SKAP2: variants seen among roughly 807,000 people sequenced by gnomAD.
The protein encoded by SKAP2 is src kinase-associated phosphoprotein 2.
SKAP2 carries 28 observed loss-of-function variants against 54.9 expected under a neutral mutation model. The observed-to-expected ratio is 0.51, with a 90% CI of 0.38 to 0.70. The LOEUF is 0.70. Ranked by LOEUF, SKAP2 falls within the 30% of genes least tolerant of loss-of-function variation. SKAP2 has a pLI of 0.00. For synonymous variants in SKAP2, 137 were observed against 134.3 expected (o/e 1.02, Z -0.14); for missense variants, 356 against 424.1 (o/e 0.84, Z 1.41).
At chr7:26,758,877 C>T (rs1189346617) in intron 4 of SKAP2, among the ~76,000 whole-genome samples, 1 of 152,196 alleles carries the variant, frequency 6.6e-6, no homozygotes, top group African/African-American at 2.4e-5. Context: ...TAGCCAAAGG[C>T]TTCAAAACAA....
intron 4 of SKAP2, among the ~76,000 whole-genome samples, chr7:26,824,758 C>T (rs764530248): frequency 2.6e-5 from 4 of 152,128 alleles, no homozygotes; most frequent in African/African-American, 4.8e-5. Context: ...TAAACAAATA[C>T]GTATGGCTGT....
chr7:26,657,821 G>T, the SKAP2 span, among the ~76,000 whole-genome samples: 1 of 148,532 alleles, frequency 6.7e-6, no homozygotes, highest in Non-Finnish European at 1.5e-5. Flanking sequence ...TGCAAGGAGA[G>T]TTTTTCCTGA....
chr7:26,838,901 A>G (rs1029228556), intron 4 of SKAP2, among the ~76,000 whole-genome samples: 1 of 152,202 alleles, frequency 6.6e-6, no homozygotes, highest in Non-Finnish European at 1.5e-5. Context: ...CATCTAGATT[A>G]CATTTTTCTT....
intron 4 of SKAP2, among the ~76,000 whole-genome samples, chr7:26,832,425 G>T (rs1374210601): frequency 1.3e-5 from 2 of 152,120 alleles, no homozygotes; most frequent in Non-Finnish European, 2.9e-5. Context: ...TTATGAAAAA[G>T]TTTTAGGATA....
At chr7:26,857,310 T>TAAAAAA (rs59046895) in intron 1 of SKAP2, 6,721 of 91,042 alleles carry the variant, frequency 0.074, 522 homozygotes, top group Non-Finnish European at 0.083. Flanking sequence ...CTGCTTTGCT[T>TAAAAAA]AAAAAAAAAA....
intron 4 of SKAP2, among the ~76,000 whole-genome samples, chr7:26,753,449 C>G (rs1782726942): frequency 6.6e-6 from 1 of 152,064 alleles, no homozygotes; most frequent in African/African-American, 2.4e-5. Flanking sequence ...AGCTAACGTT[C>G]ACTGCAAAAT....
intron 4 of SKAP2, among the ~76,000 whole-genome samples, chr7:26,836,903 C>T (rs898332334): frequency 6.6e-6 from 1 of 152,182 alleles, no homozygotes; most frequent in Non-Finnish European, 1.5e-5. Flanking sequence ...TTTATCACAG[C>T]ACTGTTCACA....
intron 9 of SKAP2, among the ~76,000 whole-genome samples, chr7:26,724,418 T>C (rs927674442): frequency 4.6e-5 from 7 of 152,156 alleles, no homozygotes; most frequent in African/African-American, 1.7e-4. Flanking sequence ...TAGTCAATGG[T>C]ACAGCCAGAA....
chr7:26,771,293 A>T (rs1202832791), intron 4 of SKAP2, among the ~76,000 whole-genome samples: 1 of 152,226 alleles, frequency 6.6e-6, no homozygotes, highest in Non-Finnish European at 1.5e-5. Context: ...CCTGGTTTCT[A>T]AAACTTTTCT....
chr7:26,825,060 T>C (rs1784460391), intron 4 of SKAP2, among the ~76,000 whole-genome samples: 2 of 152,216 alleles, frequency 1.3e-5, no homozygotes. Flanking sequence ...CTAAGAACTG[T>C]ATTTCTCTTG....
intron 9 of SKAP2, among the ~76,000 whole-genome samples, chr7:26,721,453 C>T (rs1235861796): frequency 6.6e-6 from 1 of 151,922 alleles, no homozygotes; most frequent in Non-Finnish European, 1.5e-5. Flanking sequence ...GATAGTTGGA[C>T]TGAATACATT....
At chr7:26,774,499 TTGTGTG>T (rs10551497) in intron 4 of SKAP2, among the ~76,000 whole-genome samples, 10 of 149,146 alleles carry the variant, frequency 6.7e-5, no homozygotes, top group Non-Finnish European at 1.3e-4. Context: ...CAAGATCAAG[TTGTGTG>T]TGTGTGTGTG....
rs565264238 is a variant in SKAP2 at position 26,810,941 on chromosome 7, A to G, written c.307+33089T>C. 6.1e-4 allele frequency among the ~76,000 whole-genome samples: 93 copies of G among 152,290 alleles called. 1 individual carries two copies. Among genetic ancestry groups the G allele is most frequent in the African/African-American group, 2.1e-3 (88 of 41,568 alleles). ...ATGATCCGCGCACCTCGGCCTCCCA[A>G]AGTGCTGGGAATACAGGCATGAGCC... On this transcript the variant is annotated intron_variant, in intron 4 of 12. Transcript: ENST00000345317.
intron 1 of SKAP2, among the ~76,000 whole-genome samples, chr7:26,863,227 TAGG>T (rs1378376802): frequency 6.6e-6 from 1 of 152,142 alleles, no homozygotes; most frequent in African/African-American, 2.4e-5. Context: ...GACAGAATAT[TAGG>T]AGATTTGGAC....
intron 11 of SKAP2, among the ~76,000 whole-genome samples, chr7:26,675,919 A>G (rs1786340745): frequency 6.6e-6 from 1 of 152,228 alleles, no homozygotes; most frequent in African/African-American, 2.4e-5. Context: ...ACAGGGACCA[A>G]CTAATTCCAG....
In SKAP2 at chr7:26,862,626, T is replaced by G. The variant is rs145242380; in HGVS notation, c.67+1737A>C. On this transcript the variant is annotated intron_variant, in intron 1 of 12. Coordinates refer to ENST00000345317, the MANE Select transcript of SKAP2 (RefSeq NM_003930.5). ...TGGAAGTTAGCATTGGCAGATAATT[T>G]AAATATGTAATTTTGAGTTTTTAGT... Among the ~76,000 whole-genome samples, 1,303 of 152,154 alleles carry G rather than the reference T, an allele frequency of 8.6e-3. 19 individuals carry two copies. Among genetic ancestry groups the G allele is most frequent in the African/African-American group, 0.029 (1,217 of 41,530 alleles).
chr7:26,744,168 G>C (rs1782512723), intron 4 of SKAP2, among the ~76,000 whole-genome samples: 1 of 150,990 alleles, frequency 6.6e-6, no homozygotes, highest in Admixed American at 6.6e-5. Context: ...CTTGAATCTA[G>C]GATGAAAAAC....
intron 6 of SKAP2, among the ~76,000 whole-genome samples, chr7:26,733,854 T>C (rs1388735727): frequency 6.6e-6 from 1 of 152,170 alleles, no homozygotes; most frequent in African/African-American, 2.4e-5. Context: ...GTAGCTCCCA[T>C]TTACTAGACG....
At chr7:26,715,237 A>G (rs1787403351) in intron 9 of SKAP2, among the ~76,000 whole-genome samples, 1 of 152,246 alleles carries the variant, frequency 6.6e-6, no homozygotes, top group South Asian at 2.1e-4. Context: ...TTCCCTCAGC[A>G]ATGTAAACAT....
Sources: allele counts gnomAD v4.1 joint callset (sites outside exome capture counted in the v4.1 genomes callset), GRCh38; gene constraint gnomAD v4.1.1; transcripts MANE v1.5; gene names NCBI Gene and HGNC (gene_info 2026-07-23, HGNC 2026-07-21).